Variants in SMOC2 observed in about 807,000 individuals in gnomAD.
The protein encoded by SMOC2 is SPARC-related modular calcium-binding protein 2.
SMOC2 carries 39 observed loss-of-function variants against 61.4 expected under a neutral mutation model. That is an observed-to-expected ratio of 0.64 (90% confidence interval 0.49 to 0.83). The LOEUF is 0.83. Among genes scored for constraint, SMOC2 ranks in the 40% least tolerant of loss-of-function variants. The pLI is 0.00. For synonymous variants in SMOC2, 247 were observed against 239.9 expected (o/e 1.03, Z -0.27); for missense variants, 556 against 592.9 (o/e 0.94, Z 0.65).
At chr6:168,443,323 T>G (rs926081864) in intron 1 of SMOC2, among the ~76,000 whole-genome samples, 4 of 152,134 alleles carry the variant, frequency 2.6e-5, no homozygotes, top group Non-Finnish European at 5.9e-5. Flanking sequence ...CTGTCTCATC[T>G]AACTATTTAC....
Position 168,580,380 on chromosome 6 carries a change from C to T in SMOC2, c.638-18438C>T, listed in dbSNP as rs980652065. Among the ~76,000 whole-genome samples, 5 of 152,270 alleles carry T rather than the reference C, an allele frequency of 3.3e-5. No homozygotes were observed. In the Middle Eastern group the frequency reaches 0.01, roughly 311 times the overall value. Reference sequence around the variant, plus strand: ...TGGAGAGGGCCTGGTCCTCAGACGCCGAGGCTGGGAGAGGCAGGGGTGCCG... The same window carrying T: ...TGGAGAGGGCCTGGTCCTCAGACGCTGAGGCTGGGAGAGGCAGGGGTGCCG... On this transcript the variant is annotated intron_variant, in intron 7 of 12. Coordinates refer to ENST00000356284, the MANE Select transcript of SMOC2 (RefSeq NM_001166412.2).
chr6:168,536,152 C>T (rs1783728732), intron 4 of SMOC2, among the ~76,000 whole-genome samples: 1 of 152,186 alleles, frequency 6.6e-6, no homozygotes, highest in Non-Finnish European at 1.5e-5. Context: ...CGTGGCTGGC[C>T]CCACACTCCA....
intron 9 of SMOC2, among the ~76,000 whole-genome samples, chr6:168,611,272 CGTGGCTCCCGTGTCGGGCCTGGCT>C (rs1785855872): frequency 3.2e-5 from 3 of 93,110 alleles, no homozygotes. Context: ...CGGGACCCAC[CGTGGCTCCCGTGTCGGGCCTGGCT>C]GTGGCTCCCA....
chr6:168,520,747 A>T (rs913673060), intron 2 of SMOC2, among the ~76,000 whole-genome samples: 1 of 152,256 alleles, frequency 6.6e-6, no homozygotes, highest in South Asian at 2.1e-4. Context: ...TGGAAGACCA[A>T]CAGGAAGAGT....
At chr6:168,621,894 C>A (rs1035554793) in intron 9 of SMOC2, among the ~76,000 whole-genome samples, 1 of 152,146 alleles carries the variant, frequency 6.6e-6, no homozygotes. Context: ...TTGCGTTACA[C>A]AGGGGTAAAA....
In SMOC2 at chr6:168,475,285, G is replaced by T. The variant is rs1782051861; in HGVS notation, c.84+33831G>T. On this transcript the variant is annotated intron_variant, in intron 1 of 12. Coordinates refer to ENST00000356284, the MANE Select transcript of SMOC2 (RefSeq NM_001166412.2). This position sits in a 1 kb window ranked among gnomAD's most constrained non-coding sequence, Gnocchi z 4.6. ...TTGGATAGTCCTGGCATGTTTGATGGATGTCACATTTCAATGCCTTTCCTT... is the reference window on the plus strand; with the variant it reads ...TTGGATAGTCCTGGCATGTTTGATGTATGTCACATTTCAATGCCTTTCCTT... Among the ~76,000 whole-genome samples, 1 of 152,062 alleles carries T rather than the reference G, an allele frequency of 6.6e-6. No individual in the cohort carries two copies. Among genetic ancestry groups the T allele is most frequent in the South Asian group, 2.1e-4 (1 of 4,814 alleles).
At chr6:168,631,983 A>T (rs1786582246) in intron 9 of SMOC2, among the ~76,000 whole-genome samples, 1 of 152,230 alleles carries the variant, frequency 6.6e-6, no homozygotes, top group Admixed American at 6.5e-5. Flanking sequence ...CAGACCCTGC[A>T]TTCCACATGC....
intron 9 of SMOC2, among the ~76,000 whole-genome samples, chr6:168,617,485 T>C (rs1265541519): frequency 6.6e-6 from 1 of 152,106 alleles, no homozygotes; most frequent in African/African-American, 2.4e-5. Flanking sequence ...AAGCTGGAGC[T>C]ATAGTTTCTC....
At chr6:168,463,713 A>T (rs1167646722) in intron 1 of SMOC2, among the ~76,000 whole-genome samples, 1 of 151,458 alleles carries the variant, frequency 6.6e-6, no homozygotes, top group Admixed American at 6.6e-5. Context: ...CTGAGAGAAG[A>T]CTCTCCTAAC....
At chr6:168,546,313 G>T (rs185160258) in intron 5 of SMOC2, among the ~76,000 whole-genome samples, 31 of 146,020 alleles carry the variant, frequency 2.1e-4, no homozygotes, top group African/African-American at 6.6e-4. Context: ...CCTTGTGATT[G>T]CCTCCTGGGT....
At chr6:168,463,577 G>T (rs1165231038) in intron 1 of SMOC2, among the ~76,000 whole-genome samples, 1 of 152,186 alleles carries the variant, frequency 6.6e-6, no homozygotes, top group East Asian at 1.9e-4. Context: ...AGCCAGGGGA[G>T]TGTGAGAAAA....
intron 9 of SMOC2, among the ~76,000 whole-genome samples, chr6:168,627,495 A>T (rs80299193): frequency 0.037 from 5,573 of 152,258 alleles, 371 homozygotes; most frequent in African/African-American, 0.13. Flanking sequence ...AAGAAAAATG[A>T]TGTGTTCCTT....
At chr6:168,629,054 G>T (rs796189185) in intron 9 of SMOC2, among the ~76,000 whole-genome samples, 6 of 152,352 alleles carry the variant, frequency 3.9e-5, no homozygotes, top group African/African-American at 1.4e-4. Flanking sequence ...TCTTCTCTGG[G>T]GAAAACTTGC....
intron 8 of SMOC2, among the ~76,000 whole-genome samples, chr6:168,599,411 CATTCAT>C (rs1287708430): frequency 7.3e-5 from 5 of 68,228 alleles, no homozygotes; most frequent in South Asian, 4.7e-4. Flanking sequence ...GACACACACA[CATTCAT>C]ACCCCCCACA....
chr6:168,619,854 G>T (rs1297790487), intron 9 of SMOC2, among the ~76,000 whole-genome samples: 1 of 152,200 alleles, frequency 6.6e-6, no homozygotes, highest in Non-Finnish European at 1.5e-5. Flanking sequence ...GCCAGTGCCT[G>T]CCATGGTTAG....
intron 1 of SMOC2, among the ~76,000 whole-genome samples, chr6:168,505,560 G>A (rs575657708): frequency 1.3e-5 from 2 of 151,082 alleles, no homozygotes; most frequent in East Asian, 1.9e-4. Flanking sequence ...GGATGAATGA[G>A]TGAATGGAAT....
At chr6:168,660,762 C>T (rs925682472) in intron 11 of SMOC2, among the ~76,000 whole-genome samples, 1 of 152,198 alleles carries the variant, frequency 6.6e-6, no homozygotes, top group Non-Finnish European at 1.5e-5. Flanking sequence ...TCCAAAGGCC[C>T]GAGCCGCAGT....
intron 11 of SMOC2, 114 bp from the exon 12 acceptor site, chr6:168,663,960 C>A: frequency 1.2e-6 from 1 of 823,710 alleles, no homozygotes; most frequent in Non-Finnish European, 1.9e-6. Flanking sequence ...AATGAGTTTG[C>A]CAATTGATAA....
intron 1 of SMOC2, among the ~76,000 whole-genome samples, chr6:168,472,979 G>T (rs73270984): frequency 2.6e-5 from 4 of 151,724 alleles, no homozygotes; most frequent in East Asian, 2.0e-4. Context: ...ACCGGGGAAG[G>T]CTCCGATTCA....
Sources: allele counts gnomAD v4.1 joint callset (sites outside exome capture counted in the v4.1 genomes callset), GRCh38; gene constraint gnomAD v4.1.1; non-coding constraint Gnocchi (gnomAD v3.1); transcripts MANE v1.5; gene names NCBI Gene and HGNC (gene_info 2026-07-23, HGNC 2026-07-21).